The following FHAD1 variants were observed in gnomAD, a reference collection of about 807,000 sequenced individuals.
The protein encoded by FHAD1 is forkhead associated phosphopeptide binding domain 1.
FHAD1 carries 146 observed loss-of-function variants against 191.3 expected under a neutral mutation model. The ratio of observed to expected loss-of-function variants is 0.76; its 90% CI spans 0.67 to 0.88. The LOEUF is 0.88. Among genes scored for constraint, FHAD1 ranks in the 40% least tolerant of loss-of-function variants. The probability of loss-of-function intolerance (pLI) is 0.00; values close to 1 mark genes in which losing one functional copy is unlikely to be tolerated. For synonymous variants in FHAD1, 616 were observed against 672.3 expected (o/e 0.92, Z 1.29); for missense variants, 1,635 against 1,785.8 (o/e 0.92, Z 1.52).
chr1:15,323,972 T>C (rs74053901), intron 10 of FHAD1, among the ~76,000 whole-genome samples: 2,915 of 152,282 alleles, frequency 0.019, 101 homozygotes, highest in African/African-American at 0.066. Context: ...CAGTTCCTTA[T>C]GGTGTTAGGA....
In FHAD1 at chr1:15,296,772, G is replaced by C; in HGVS notation, c.657G>C (p.Glu219Asp). 6.4e-7 allele frequency: 1 copy of C among 1,551,734 alleles called. No individual in the cohort carries two copies. Among genetic ancestry groups the C allele is most frequent in the Non-Finnish European group, 8.7e-7 (1 of 1,146,968 alleles). The change falls in exon 5 of 34, where the codon GAG becomes GAC. Residue 219 changes from glutamate (E) to aspartate (D), a missense_variant. Physicochemically the swap from Glu to Asp is conservative, Grantham distance 45 (BLOSUM62 2). Coordinates refer to ENST00000688493, the MANE Select transcript of FHAD1 (RefSeq NM_001391957.1). Reference protein sequence around the residue: ...AVPPAEIYVEEDLAQQDKDEI... With the variant: ...AVPPAEIYVEDDLAQQDKDEI... ...CCCCTGCGGAGATTTATGTGGAGGA[G>C]GACTTGGCCCAGCAGGACAAGGTGA...
intron 2 of FHAD1, among the ~76,000 whole-genome samples, chr1:15,267,200 A>C (rs1178437258): frequency 6.6e-6 from 1 of 152,238 alleles, no homozygotes; most frequent in Non-Finnish European, 1.5e-5. Context: ...TTACAAATAA[A>C]AGAATATATC....
Position 15,327,127 on chromosome 1 carries a change from C to G in FHAD1, c.1542C>G (p.Pro514=). 1.3e-6 allele frequency: 2 copies of G among 1,551,160 alleles called. No individual in the cohort carries two copies. The highest frequency in any genetic ancestry group is 8.7e-7 in the Non-Finnish European group (1 of 1,146,646). Residue 514 remains proline (P), a synonymous_variant, in exon 12 of 34, where the codon CCC becomes CCG. Transcript: ENST00000688493. The surrounding 1 kb of genome is among the most constrained non-coding windows in gnomAD (Gnocchi z 5.1). ...GGGCGAAGCCGTTCCGGGACAAGCC[C>G]GTCACCGACCAACAGGTTAGTCTGC... The part of the protein sequence containing the change: ...YGRAKPFRDK[P]VTDQQLIEKI...
intron 14 of FHAD1, among the ~76,000 whole-genome samples, chr1:15,337,611 C>G (rs190852974): frequency 6.6e-6 from 1 of 152,294 alleles, no homozygotes; most frequent in Admixed American, 6.5e-5. Flanking sequence ...AGGAATGCTA[C>G]TAACCATCCC....
chr1:15,306,745 G>T (rs1050599169), intron 6 of FHAD1, among the ~76,000 whole-genome samples: 1 of 152,268 alleles, frequency 6.6e-6, no homozygotes, highest in African/African-American at 2.4e-5. Flanking sequence ...GTCAAGAATT[G>T]AGGTTTGGGA....
At chr1:15,251,447 G>A (rs1347908085) in intron 1 of FHAD1, among the ~76,000 whole-genome samples, 1 of 152,132 alleles carries the variant, frequency 6.6e-6, no homozygotes. Context: ...GATGGGAGGT[G>A]GAGAGCAATC....
chr1:15,328,299 T>G lies in FHAD1; in HGVS notation c.1580T>G (p.Val527Gly). The part of the protein sequence containing the change: ...DQQLIEKITQ[V>G]TEDNINFQQK... Reference sequence around the variant, plus strand: ...CAGTTAATAGAGAAAATTACCCAGGTCACTGAGGACAACATCAATTTTCAG... The same window carrying G: ...CAGTTAATAGAGAAAATTACCCAGGGCACTGAGGACAACATCAATTTTCAG... The change falls in exon 13 of 34, where the codon GTC becomes GGC. Residue 527 changes from valine to glycine, a missense_variant. Transcript: ENST00000688493. 2.6e-6 allele frequency: 4 copies of G among 1,523,750 alleles called. No individual in the cohort carries two copies. The South Asian group carries it at 3.7e-5, about 14-fold the overall frequency. 94.4% of individuals were successfully genotyped at this position (1,523,750 alleles called of 1,614,324 possible).
chr1:15,283,437 T>C (rs1328885288), intron 3 of FHAD1, among the ~76,000 whole-genome samples: 1 of 152,132 alleles, frequency 6.6e-6, no homozygotes, highest in African/African-American at 2.4e-5. Flanking sequence ...ACAGACGCAG[T>C]AGGAAGAATA....
At chr1:15,361,110 TA>T (rs1198829222) in intron 22 of FHAD1, among the ~76,000 whole-genome samples, 1 of 152,212 alleles carries the variant, frequency 6.6e-6, no homozygotes, top group African/African-American at 2.4e-5. Flanking sequence ...ATTTATCCCT[TA>T]AAAAATTAAC....
chr1:15,309,934 G>C (rs1209560969), intron 7 of FHAD1, among the ~76,000 whole-genome samples: 1 of 152,208 alleles, frequency 6.6e-6, no homozygotes, highest in Non-Finnish European at 1.5e-5. Flanking sequence ...CTGCCGGCGA[G>C]TGTGGCTGGA....
At chr1:15,259,550 G>A (rs1649999992) in intron 2 of FHAD1, among the ~76,000 whole-genome samples, 1 of 152,198 alleles carries the variant, frequency 6.6e-6, no homozygotes, top group Non-Finnish European at 1.5e-5. Flanking sequence ...TTCCTTGTGA[G>A]TCAGTTAAGA....
chr1:15,263,557 T>C (rs930174941), intron 2 of FHAD1, among the ~76,000 whole-genome samples: 2 of 144,192 alleles, frequency 1.4e-5, no homozygotes, highest in African/African-American at 5.1e-5. Flanking sequence ...CGTCTCGCTC[T>C]GTCGCCCAGG....
intron 14 of FHAD1, among the ~76,000 whole-genome samples, chr1:15,337,785 C>G (rs1485874581): frequency 6.6e-6 from 1 of 152,124 alleles, no homozygotes; most frequent in African/African-American, 2.4e-5. Context: ...AAACAACGCT[C>G]TTCATCAGGC....
chr1:15,299,111 C>A (rs7527469), intron 5 of FHAD1, among the ~76,000 whole-genome samples: 30,199 of 146,836 alleles, frequency 0.21, 6,531 homozygotes, highest in African/African-American at 0.55. Context: ...GAGGTGGGAG[C>A]ATCACTTGAG....
intron 23 of FHAD1, chr1:15,363,664 G>A (rs750290581): frequency 2.3e-5 from 10 of 443,572 alleles, no homozygotes; most frequent in Non-Finnish European, 3.2e-5. Flanking sequence ...GCGGGGCCCT[G>A]TAAAGGGTGA....
At chr1:15,375,831 G>A (rs940444313) in intron 28 of FHAD1, 101 bp downstream of exon 28, 2 of 1,297,582 alleles carry the variant, frequency 1.5e-6, no homozygotes, top group Non-Finnish European at 2.1e-6. Flanking sequence ...ACATGTCAGT[G>A]GTTTGGGGCT....
chr1:15,399,671 A>G (rs1282914146), downstream of FHAD1, among the ~76,000 whole-genome samples: 1 of 152,252 alleles, frequency 6.6e-6, no homozygotes, highest in Admixed American at 6.5e-5. Flanking sequence ...CTGGTATTAG[A>G]CTGTACCATA....
intron 2 of FHAD1, among the ~76,000 whole-genome samples, chr1:15,265,742 C>T (rs541003755): frequency 1.3e-5 from 2 of 152,124 alleles, no homozygotes; most frequent in South Asian, 2.1e-4. Context: ...GAGGCTGAGG[C>T]GGGCAGATCA....
At chr1:15,370,186 A>G (rs1302937800) in intron 26 of FHAD1, among the ~76,000 whole-genome samples, 2 of 151,866 alleles carry the variant, frequency 1.3e-5, no homozygotes, top group African/African-American at 2.4e-5. Flanking sequence ...CATGTTACCC[A>G]GGCTTGTCTT....
Sources: gnomAD v4.1 joint callset for allele counts (sites outside exome capture counted in the v4.1 genomes callset) on GRCh38, gnomAD v4.1.1 for gene constraint, Gnocchi (gnomAD v3.1) non-coding constraint, MANE v1.5 for transcripts, NCBI Gene and HGNC (gene_info 2026-07-23, HGNC 2026-07-21) for gene names.